Variants in LAPTM4A observed in about 807,000 individuals in gnomAD.
LAPTM4A encodes lysosomal-associated transmembrane protein 4A.
In LAPTM4A, 19 loss-of-function variants were observed where a neutral mutation model predicts 29.9. The ratio of observed to expected loss-of-function variants is 0.64; its 90% CI spans 0.44 to 0.93. The LOEUF (loss-of-function observed/expected upper bound fraction) is 0.93. Ranked by LOEUF, LAPTM4A falls within the 40% of genes least tolerant of loss-of-function variation. The pLI is 0.00. For synonymous variants in LAPTM4A, 105 were observed against 102.1 expected (o/e 1.03, Z -0.17); for missense variants, 293 against 288.5 (o/e 1.02, Z -0.11).
At chr2:20,045,267 A>G (rs1673893753) in intron 1 of LAPTM4A, among the ~76,000 whole-genome samples, 1 of 152,010 alleles carries the variant, frequency 6.6e-6, no homozygotes, top group African/African-American at 2.4e-5. Context: ...TTTTCCTTTC[A>G]CTGTATTCAG....
chr2:20,034,892 G>T, intron 5 of LAPTM4A, 75 bp downstream of exon 5: 1 of 1,030,082 alleles, frequency 9.7e-7, no homozygotes, highest in Non-Finnish European at 1.5e-6. Flanking sequence ...TGACTTGTAA[G>T]GTGAAAGGCA....
At chr2:20,043,387 TG>T (rs1673847782) in intron 1 of LAPTM4A, among the ~76,000 whole-genome samples, 1 of 152,032 alleles carries the variant, frequency 6.6e-6, no homozygotes, top group Non-Finnish European at 1.5e-5. Flanking sequence ...GGCTAATTTT[TG>T]TATTTTTAGT....
At chr2:20,042,226 A>G (rs373499248) in intron 1 of LAPTM4A, among the ~76,000 whole-genome samples, 1 of 152,084 alleles carries the variant, frequency 6.6e-6, no homozygotes, top group Admixed American at 6.6e-5. Flanking sequence ...TAGCCTCCCA[A>G]CATGCTGTGA....
intron 2 of LAPTM4A, among the ~76,000 whole-genome samples, chr2:20,038,916 T>C (rs777465381): frequency 2.0e-5 from 3 of 151,902 alleles, no homozygotes; most frequent in Non-Finnish European, 4.4e-5. Flanking sequence ...GGTAAATGTA[T>C]ATACAACTTT....
intron 1 of LAPTM4A, among the ~76,000 whole-genome samples, chr2:20,046,473 T>G (rs1190074675): frequency 6.6e-6 from 1 of 151,828 alleles, no homozygotes; most frequent in African/African-American, 2.4e-5. Flanking sequence ...ATGTTTTAAT[T>G]AATAAGTTAG....
chr2:20,039,065 C>A (rs576535261), intron 2 of LAPTM4A, among the ~76,000 whole-genome samples: 3 of 152,026 alleles, frequency 2.0e-5, no homozygotes, highest in Non-Finnish European at 4.4e-5. Context: ...TGCAGGCCTG[C>A]GCCACCAAGC....
chr2:20,041,517 T>C (rs926246226), intron 1 of LAPTM4A, among the ~76,000 whole-genome samples: 23 of 151,190 alleles, frequency 1.5e-4, no homozygotes, highest in African/African-American at 5.6e-4. Flanking sequence ...GTCTTACTTT[T>C]GTGTGTGTGT....
At position 20,033,053 on chromosome 2, in the gene LAPTM4A, TCA is replaced by T. The variant is rs1673597762; in HGVS notation, c.*150_*151del. ...AAAACAAAAAGACGTTTAACAGATG[TCA>T]AAAAGCTCCTTAGTGTTTGAAAATA... On this transcript the variant is annotated 3_prime_UTR_variant, in exon 7 of 7. Coordinates refer to ENST00000175091, the MANE Select transcript of LAPTM4A (RefSeq NM_014713.5). 1 of 653,374 alleles carries T rather than the reference TCA, an allele frequency of 1.5e-6. No homozygotes were observed. The highest frequency in any genetic ancestry group is 1.8e-5 in the African/African-American group (1 of 54,544). The allele number at this position is 653,374 out of a possible 1,614,324, so 40.5% of individuals were successfully genotyped here.
intron 1 of LAPTM4A, among the ~76,000 whole-genome samples, chr2:20,044,738 T>C (rs1673874476): frequency 6.6e-6 from 1 of 152,210 alleles, no homozygotes; most frequent in Admixed American, 6.5e-5. Context: ...AAATAAATCG[T>C]AGGGCCAATC....
chr2:20,045,335 G>A (rs958442812), intron 1 of LAPTM4A, among the ~76,000 whole-genome samples: 9 of 152,112 alleles, frequency 5.9e-5, no homozygotes, highest in African/African-American at 2.2e-4. Flanking sequence ...GGACAGTGGT[G>A]TGTGCCTGTA....
In LAPTM4A at chr2:20,037,393, C is replaced by A; in HGVS notation, c.355G>T (p.Asp119Tyr). ...GCAACCAGGCAACTGAGGACGAAGTCAAAAAGTCGGTAACAGAAGAATGGA... is the reference window on the plus strand; with the variant it reads ...GCAACCAGGCAACTGAGGACGAAGTAAAAAAGTCGGTAACAGAAGAATGGA... The part of the protein sequence containing the change: ...LIPFFCYRLF[D>Y]FVLSCLVAIS... Residue 119 changes from aspartate to tyrosine, a missense_variant, in exon 4 of 7, where the codon GAC becomes TAC. Physicochemically the swap from Asp to Tyr is radical, Grantham distance 160. Coordinates refer to ENST00000175091, the MANE Select transcript of LAPTM4A (RefSeq NM_014713.5). 6.2e-7 allele frequency: 1 copy of A among 1,612,488 alleles called. No individual in the cohort carries two copies. Among genetic ancestry groups the A allele is most frequent in the South Asian group, 1.1e-5 (1 of 90,810 alleles).
At position 20,035,021 on chromosome 2, in the gene LAPTM4A, G is replaced by A; in HGVS notation, c.474C>T (p.Ser158=). 1.2e-6 allele frequency: 2 copies of A among 1,612,968 alleles called. No homozygotes were observed. The highest frequency in any genetic ancestry group is 1.7e-6 in the Non-Finnish European group (2 of 1,179,244). ...PYKDDLLALD[S]SCLLFIVLVF... is the part of the protein sequence containing the mutation. ...CAAGAACAATGAACAGGAGGCAGCT[G>A]GAGTCCAAGGCCAGGAGGTCATCTT... Residue 158 remains serine (S), a synonymous_variant, in exon 5 of 7, where the codon TCC becomes TCT. Coordinates refer to ENST00000175091, the MANE Select transcript of LAPTM4A (RefSeq NM_014713.5).
intron 1 of LAPTM4A, among the ~76,000 whole-genome samples, chr2:20,050,721 G>A (rs1472081885): frequency 3.3e-5 from 5 of 152,222 alleles, no homozygotes; most frequent in Non-Finnish European, 7.3e-5. Context: ...CCAGGATGGA[G>A]AGGGCTCTCA....
chr2:20,050,131 C>T (rs1203187374), intron 1 of LAPTM4A, among the ~76,000 whole-genome samples: 1 of 152,114 alleles, frequency 6.6e-6, no homozygotes, highest in Non-Finnish European at 1.5e-5. Flanking sequence ...TCAGCACAAG[C>T]AAACCTACAC....
chr2:20,032,921 AC>A lies in LAPTM4A; in HGVS notation c.*283del, dbSNP rs1233741736. ...TTAAAAAGGAAACTATGTGGCAAGTACCCTCTTTCCCTTCCCACCCCCCAAT... is the reference window on the plus strand; with the variant it reads ...TTAAAAAGGAAACTATGTGGCAAGTACCTCTTTCCCTTCCCACCCCCCAAT... On this transcript the variant is annotated 3_prime_UTR_variant, in exon 7 of 7. Transcript: ENST00000175091. 1.5e-5 allele frequency: 6 copies of A among 411,328 alleles called. No individual in the cohort carries two copies. The highest frequency in any genetic ancestry group is 2.6e-5 in the Non-Finnish European group (6 of 228,948). 25.5% of individuals were successfully genotyped at this position (411,328 alleles called of 1,614,324 possible).
chr2:20,048,265 T>C (rs959523462), intron 1 of LAPTM4A, among the ~76,000 whole-genome samples: 12 of 152,230 alleles, frequency 7.9e-5, no homozygotes, highest in African/African-American at 2.9e-4. Flanking sequence ...GAAACTTGTT[T>C]AAAATCAACT....
At chr2:20,050,827 T>C (rs1256434434) in intron 1 of LAPTM4A, among the ~76,000 whole-genome samples, 2 of 152,160 alleles carry the variant, frequency 1.3e-5, no homozygotes, top group African/African-American at 4.8e-5. Flanking sequence ...AGGCGTCAAC[T>C]CAGGCAAAAG....
At chr2:20,050,164 A>G (rs975364075) in intron 1 of LAPTM4A, among the ~76,000 whole-genome samples, 4 of 152,244 alleles carry the variant, frequency 2.6e-5, no homozygotes, top group African/African-American at 9.6e-5. Flanking sequence ...TTTTAAATGT[A>G]CATCAGAAAC....
rs148389909 is a variant in LAPTM4A, at chr2:20,036,890, G to A, written c.432+426C>T. ...GTTTGCTCGCTAAACTGTAATATTC[G>A]CAGTTATCTTTATATCCACACCATT... On this transcript the variant is annotated intron_variant, in intron 4 of 6. Transcript: ENST00000175091. 8.3e-4 allele frequency among the ~76,000 whole-genome samples: 126 copies of A among 152,232 alleles called. 1 individual carries two copies. The highest frequency in any genetic ancestry group is 1.2e-3 in the African/African-American group (51 of 41,522).
Sources: gnomAD v4.1 joint callset for allele counts (sites outside exome capture counted in the v4.1 genomes callset) on GRCh38, gnomAD v4.1.1 for gene constraint, MANE v1.5 for transcripts, NCBI Gene and HGNC (gene_info 2026-07-23, HGNC 2026-07-21) for gene names.